PER3: variants seen among roughly 807,000 people sequenced by gnomAD.
The protein encoded by PER3 is period circadian regulator 3.
A neutral mutation model predicts 127.2 loss-of-function variants in PER3; 107 were observed. That is an observed-to-expected ratio of 0.84 (90% CI 0.72 to 0.99). The LOEUF (loss-of-function observed/expected upper bound fraction) is 0.99, where lower values mean the gene tolerates loss of function less well. Ranked by LOEUF, PER3 falls within the 50% of genes least tolerant of loss-of-function variation. The pLI is 0.00. For synonymous variants in PER3, 618 were observed against 585.8 expected, an observed-to-expected ratio of 1.05 and a Z score of -0.79; for missense variants, 1,560 against 1,525.8, an observed-to-expected ratio of 1.02 and a Z score of -0.37.
At chr1:7,840,919 C>T (rs569301228) in intron 21 of PER3, among the ~76,000 whole-genome samples, 180 of 152,246 alleles carry the variant, frequency 1.2e-3, no homozygotes, top group Non-Finnish European at 1.9e-3. Context: ...GTTCTTTGAT[C>T]ATCTTTCAGT....
chr1:7,825,891 CA>C (rs33950591), intron 16 of PER3, among the ~76,000 whole-genome samples: 85 of 141,090 alleles, frequency 6.0e-4, no homozygotes, highest in African/African-American at 1.1e-3. Context: ...AACTCCATCT[CA>C]AAAAAAAAAA....
chr1:7,831,105 C>T (rs1189199935), intron 19 of PER3, among the ~76,000 whole-genome samples: 1 of 152,084 alleles, frequency 6.6e-6, no homozygotes, highest in Non-Finnish European at 1.5e-5. Flanking sequence ...TCCACAAGTA[C>T]GATTTTTCTA....
intron 10 of PER3, among the ~76,000 whole-genome samples, chr1:7,807,460 AC>A (rs2097199822): frequency 6.6e-6 from 1 of 152,206 alleles, no homozygotes; most frequent in Non-Finnish European, 1.5e-5. Context: ...CCTTTGGGAA[AC>A]TGTTTCAGTT....
At chr1:7,806,375 T>C (rs543524896) in intron 10 of PER3, among the ~76,000 whole-genome samples, 4 of 152,310 alleles carry the variant, frequency 2.6e-5, no homozygotes, top group East Asian at 3.9e-4. Context: ...TTTTCTCTCT[T>C]ACTCCTACTT....
Position 7,835,750 on chromosome 1 carries a change from G to A in PER3, c.3215-12G>A. On this transcript the variant is annotated splice_polypyrimidine_tract_variant and intron_variant, in intron 19 of 21. Coordinates refer to ENST00000377532, the MANE Select transcript of PER3 (RefSeq NM_001377275.1). The stretch of plus-strand genomic sequence containing the variant: ...AGGTCTTTTCTAATTATGTGTTGTT[G>A]ATTTTTGACAGGAAGCAGCGACAGC... The A allele has an allele frequency of 1.3e-6, 2 of 1,590,802 alleles. No homozygotes were observed. The highest frequency in any genetic ancestry group is 1.7e-6 in the Non-Finnish European group (2 of 1,163,842).
intron 13 of PER3, among the ~76,000 whole-genome samples, chr1:7,812,974 G>GA (rs1307589790): frequency 4.6e-5 from 7 of 152,174 alleles, no homozygotes; most frequent in Admixed American, 4.6e-4. Flanking sequence ...CAATGAAAAG[G>GA]AAAATGCTTA....
intron 5 of PER3, 90 bp from the exon 6 acceptor site, chr1:7,793,867 A>C: frequency 9.2e-7 from 1 of 1,086,478 alleles, no homozygotes; most frequent in Non-Finnish European, 1.4e-6. Context: ...CTTTTAAAAA[A>C]TAGTTTGTTG....
chr1:7,831,190 T>C (rs2097330071), intron 19 of PER3, among the ~76,000 whole-genome samples: 1 of 152,382 alleles, frequency 6.6e-6, no homozygotes, highest in South Asian at 2.1e-4. Context: ...TTGCTAAATT[T>C]ATCTCTAAGG....
At chr1:7,787,080 C>A (rs1020739888) in intron 4 of PER3, 2 of 401,198 alleles carry the variant, frequency 5.0e-6, no homozygotes, top group African/African-American at 4.1e-5. Flanking sequence ...GTGCTTCTAG[C>A]TCCTTAGCAT....
At chr1:7,806,896 A>G (rs1464744577) in intron 10 of PER3, among the ~76,000 whole-genome samples, 1 of 150,086 alleles carries the variant, frequency 6.7e-6, no homozygotes, top group Non-Finnish European at 1.5e-5. Flanking sequence ...CACAACTAGG[A>G]ATATGTAAAT....
At chr1:7,787,316 CTT>C (rs1274139812) in intron 4 of PER3, 1 of 224,588 alleles carries the variant, frequency 4.5e-6, no homozygotes, top group Non-Finnish European at 8.6e-6. Context: ...TTTAATCTCT[CTT>C]CTTGTTTGAC....
At chr1:7,838,756 C>G (rs2097369877) in intron 21 of PER3, among the ~76,000 whole-genome samples, 1 of 152,154 alleles carries the variant, frequency 6.6e-6, no homozygotes, top group South Asian at 2.1e-4. Flanking sequence ...GTGTGACTGA[C>G]TTACAGACGT....
intron 19 of PER3, among the ~76,000 whole-genome samples, chr1:7,833,199 A>C (rs1351765545): frequency 2.0e-5 from 3 of 152,222 alleles, no homozygotes; most frequent in Non-Finnish European, 4.4e-5. Context: ...AATTTGGTCC[A>C]TCATGATAAA....
chr1:7,831,660 G>A (rs149134218), intron 19 of PER3, among the ~76,000 whole-genome samples: 136 of 152,290 alleles, frequency 8.9e-4, no homozygotes, highest in African/African-American at 3.2e-3. Flanking sequence ...CGTCTGTTGA[G>A]ATAATCATGT....
At position 7,788,250 on chromosome 1, in the gene PER3, A is replaced by C; in HGVS notation, c.592+4A>C. The C allele has an allele frequency of 1.9e-6, 3 of 1,601,322 alleles. No homozygotes were observed. Among genetic ancestry groups the C allele is most frequent in the Non-Finnish European group, 2.6e-6 (3 of 1,168,310 alleles). ...TGGAACAACTGGACCCAAAGAGGTA[A>C]CAGGACCAATGTTCAGATGTCTATC... On this transcript the variant is annotated splice_donor_region_variant and intron_variant, in intron 5 of 21. Coordinates refer to ENST00000377532, the MANE Select transcript of PER3 (RefSeq NM_001377275.1).
Position 7,844,716 on chromosome 1 carries a change from G to T in PER3, c.*1961G>T, listed in dbSNP as rs556581046. ...GCAGAACTGTCAGAGCATGAGGAGC[G>T]CTCCTCCTGTGGGTGGACGCATTCA... On this transcript the variant is annotated 3_prime_UTR_variant, in exon 22 of 22. Transcript: ENST00000377532. 6.5e-6 allele frequency: 1 copy of T among 152,766 alleles called. No individual in the cohort carries two copies. The highest frequency in any genetic ancestry group is 6.5e-5 in the Admixed American group (1 of 15,286). The allele number at this position is 152,766 out of a possible 1,614,324, so 9.5% of individuals were successfully genotyped here.
chr1:7,833,874 C>CT (rs1039893241), intron 19 of PER3, among the ~76,000 whole-genome samples: 22 of 151,136 alleles, frequency 1.5e-4, no homozygotes, highest in African/African-American at 2.7e-4. Context: ...CTAAGCATAA[C>CT]TTTTTTTTTG....
intron 13 of PER3, among the ~76,000 whole-genome samples, chr1:7,817,567 C>T (rs950838381): frequency 5.3e-5 from 8 of 152,134 alleles, no homozygotes; most frequent in African/African-American, 7.2e-5. Flanking sequence ...TTGTGGAAGC[C>T]GCTATAGATA....
chr1:7,810,067 G>C (rs769345335), intron 12 of PER3, 46 bp downstream of exon 12: 4 of 1,573,846 alleles, frequency 2.5e-6, no homozygotes, highest in Middle Eastern at 1.7e-4. Context: ...CGTGTTTTCT[G>C]TACTACCTCG....
Sources: allele counts gnomAD v4.1 joint callset (sites outside exome capture counted in the v4.1 genomes callset), GRCh38; gene constraint gnomAD v4.1.1; transcripts MANE v1.5; gene names NCBI Gene and HGNC (gene_info 2026-07-23, HGNC 2026-07-21).